IMMP2L: variants seen among roughly 807,000 people sequenced by gnomAD.
IMMP2L encodes the protein mitochondrial inner membrane protease subunit 2.
Under a neutral mutation model 19.3 loss-of-function variants are expected in IMMP2L, and 18 were observed. That is an observed-to-expected ratio of 0.93 (90% CI 0.64 to 1.38). IMMP2L has a LOEUF of 1.38. IMMP2L is among the 40% of genes most tolerant of loss of function. The pLI, the probability that IMMP2L is intolerant of heterozygous loss-of-function variation, is 0.00. For missense variants in IMMP2L, 233 were observed against 218.2 expected (o/e 1.07, Z -0.43); for synonymous variants, 76 against 73.0 (o/e 1.04, Z -0.21).
chr7:111,276,860 C>G (rs1054805925), intron 3 of IMMP2L, among the ~76,000 whole-genome samples: 5 of 152,028 alleles, frequency 3.3e-5, no homozygotes, highest in South Asian at 2.1e-4. Flanking sequence ...AAAATATACA[C>G]TGGGGAAAAT....
At chr7:111,115,464 T>C (rs1007073772) in intron 3 of IMMP2L, among the ~76,000 whole-genome samples, 3 of 151,976 alleles carry the variant, frequency 2.0e-5, no homozygotes, top group African/African-American at 7.2e-5. Context: ...TTTATGAGTA[T>C]ACAGAAATGA....
rs74973629 is a variant in IMMP2L at position 110,877,698 on chromosome 7, T to C, written c.408+8895A>G. Among the ~76,000 whole-genome samples the C allele has an allele frequency of 5.7e-3, 866 of 152,210 alleles. 7 individuals carry two copies. Among genetic ancestry groups the C allele is most frequent in the African/African-American group, 0.019 (794 of 41,544 alleles). On this transcript the variant is annotated intron_variant, in intron 5 of 5. Transcript: ENST00000405709. This position sits in a 1 kb window ranked among gnomAD's most constrained non-coding sequence, Gnocchi z 4.0. The stretch of plus-strand genomic sequence containing the variant: ...CAAGAGGCACTACTTTTTTGGTGCC[T>C]GTGTTTTTGAGAAACCTGCACATCA...
chr7:111,044,671 A>G (rs1204050175), intron 3 of IMMP2L, among the ~76,000 whole-genome samples: 1 of 152,230 alleles, frequency 6.6e-6, no homozygotes, highest in Non-Finnish European at 1.5e-5. Flanking sequence ...TAACTATTCA[A>G]AATTGGTTGA....
At chr7:111,560,551 C>T (rs1585704353) in intron 1 of IMMP2L, among the ~76,000 whole-genome samples, 1 of 152,174 alleles carries the variant, frequency 6.6e-6, no homozygotes, top group East Asian at 1.9e-4. Flanking sequence ...ACTGAAAGTA[C>T]TAGAAAGGCG....
intron 3 of IMMP2L, among the ~76,000 whole-genome samples, chr7:110,967,884 C>T (rs550958442): frequency 1.3e-5 from 2 of 152,208 alleles, no homozygotes; most frequent in African/African-American, 4.8e-5. Context: ...AGCTTATCAC[C>T]TCCTTTCCCT....
intron 5 of IMMP2L, among the ~76,000 whole-genome samples, chr7:110,704,695 A>C (rs1463909854): frequency 6.6e-6 from 1 of 152,238 alleles, no homozygotes; most frequent in East Asian, 1.9e-4. Flanking sequence ...TAGACTAATA[A>C]GAAATTACCT....
chr7:111,140,177 G>T (rs1464803993), intron 3 of IMMP2L, among the ~76,000 whole-genome samples: 1 of 152,096 alleles, frequency 6.6e-6, no homozygotes, highest in African/African-American at 2.4e-5. Context: ...AGGAAAGAGG[G>T]AGACCAAGAC....
rs214456 is a variant in IMMP2L, at chr7:111,206,747, T to A, written c.240-243182A>T. Among the ~76,000 whole-genome samples, 16 of 152,076 alleles carry A rather than the reference T, an allele frequency of 1.1e-4. No individual in the cohort carries two copies. In the East Asian group the frequency reaches 2.1e-3, roughly 20 times the overall value. The stretch of plus-strand genomic sequence containing the variant: ...CTATCAACAAGTAGATCTTATTCAT[T>A]CTTTCTTAAGATTTTTAAAGTGAGA... On this transcript the variant is annotated intron_variant, in intron 3 of 5. Coordinates refer to ENST00000405709, the MANE Select transcript of IMMP2L (RefSeq NM_032549.4).
intron 3 of IMMP2L, among the ~76,000 whole-genome samples, chr7:111,459,650 TATC>T (rs535474290): frequency 2.4e-4 from 37 of 152,302 alleles, no homozygotes; most frequent in African/African-American, 8.2e-4. Flanking sequence ...AAGTGCCATT[TATC>T]ATGTCCTTTC....
intron 5 of IMMP2L, among the ~76,000 whole-genome samples, chr7:110,766,558 G>T (rs889999692): frequency 4.3e-4 from 58 of 136,094 alleles, no homozygotes; most frequent in Non-Finnish European, 1.5e-4. Flanking sequence ...ACTCCAGCCT[G>T]TGTGACAGTG....
chr7:110,799,340 G>C (rs1475771846), intron 5 of IMMP2L, among the ~76,000 whole-genome samples: 1 of 151,880 alleles, frequency 6.6e-6, no homozygotes, highest in Non-Finnish European at 1.5e-5. Flanking sequence ...CAAGTGAAAG[G>C]GGACTTTAAA....
chr7:110,831,660 A>G (rs755360578), intron 5 of IMMP2L, among the ~76,000 whole-genome samples: 18 of 152,204 alleles, frequency 1.2e-4, no homozygotes, highest in Non-Finnish European at 2.5e-4. Context: ...GAGGTTACAA[A>G]TATTTCAATA....
In IMMP2L at chr7:110,965,426, T is replaced by C. The variant is rs750616251; in HGVS notation, c.240-1861A>G. ...GAGAAAATGAAATCACGTAAGCTAG[T>C]TGCATTTATTTGTAACAATTAGTTT... On this transcript the variant is annotated intron_variant, in intron 3 of 5. Transcript: ENST00000405709. Among the ~76,000 whole-genome samples the C allele has an allele frequency of 5.9e-5, 9 of 151,832 alleles. No individual in the cohort carries two copies. The Middle Eastern group carries it at 0.01, about 172-fold the overall frequency.
intron 3 of IMMP2L, among the ~76,000 whole-genome samples, chr7:111,056,869 C>A (rs1484300895): frequency 6.6e-6 from 1 of 152,034 alleles, no homozygotes; most frequent in Non-Finnish European, 1.5e-5. Flanking sequence ...AAGAGGAGGG[C>A]TTGGTCTTGC....
rs1563004852 is a variant in IMMP2L at position 111,281,202 on chromosome 7, GAAA to G, written c.239+206033_239+206035del. Among the ~76,000 whole-genome samples the G allele has an allele frequency of 1.2e-4, 5 of 42,374 alleles. No homozygotes were observed. In the East Asian group the frequency reaches 2.0e-3, roughly 17 times the overall value. The allele number at this position is 42,374 out of a possible 152,430, so 27.8% of individuals were successfully genotyped here. On this transcript the variant is annotated intron_variant, in intron 3 of 5. Transcript: ENST00000405709. ...AGAAAGAAAGAAAGAAAGAAAGAAA[GAAA>G]GAAAGAAAGAAAAAGAAAGAAAGAA...
At chr7:110,985,246 T>C (rs1367182506) in intron 3 of IMMP2L, among the ~76,000 whole-genome samples, 3 of 152,110 alleles carry the variant, frequency 2.0e-5, no homozygotes, top group South Asian at 2.1e-4. Context: ...AATAAACATT[T>C]GTTGTTTTAA....
intron 3 of IMMP2L, among the ~76,000 whole-genome samples, chr7:111,473,206 C>T (rs1323794425): frequency 6.6e-6 from 1 of 152,044 alleles, no homozygotes; most frequent in Non-Finnish European, 1.5e-5. Context: ...GTTAGCTATG[C>T]ACAGGGTGAC....
intron 1 of IMMP2L, among the ~76,000 whole-genome samples, chr7:111,528,406 AATT>A (rs1453325049): frequency 1.3e-5 from 2 of 152,198 alleles, no homozygotes; most frequent in Non-Finnish European, 2.9e-5. Context: ...CTCCTGAGAA[AATT>A]ATTGCTTAAA....
At chr7:111,149,935 A>T (rs1398988539) in intron 3 of IMMP2L, among the ~76,000 whole-genome samples, 2 of 152,180 alleles carry the variant, frequency 1.3e-5, no homozygotes, top group Non-Finnish European at 1.5e-5. Context: ...GGCTATTCTT[A>T]TACCCCGTGA....
Sources: gnomAD v4.1 joint callset for allele counts (sites outside exome capture counted in the v4.1 genomes callset) on GRCh38, gnomAD v4.1.1 for gene constraint, Gnocchi (gnomAD v3.1) non-coding constraint, MANE v1.5 for transcripts, NCBI Gene and HGNC (gene_info 2026-07-23, HGNC 2026-07-21) for gene names.